The following BRINP1 variants were observed in gnomAD, a reference collection of about 807,000 sequenced individuals.
BRINP1 encodes the protein BMP/retinoic acid-inducible neural-specific protein 1.
BRINP1 carries 17 observed loss-of-function variants against 72.9 expected under a neutral mutation model. The ratio of observed to expected loss-of-function variants is 0.23; its 90% CI spans 0.16 to 0.35. BRINP1 has a LOEUF of 0.35. Among genes scored for constraint, BRINP1 ranks in the 10% least tolerant of loss-of-function variants. The probability of loss-of-function intolerance (pLI) is 1.00; values close to 1 mark genes in which losing one functional copy is unlikely to be tolerated. For missense variants in BRINP1, 850 were observed against 1,001.6 expected (o/e 0.85, Z 2.04); for synonymous variants, 418 against 378.5 (o/e 1.10, Z -1.21).
At chr9:119,300,909 C>T (rs1048160013) in intron 2 of BRINP1, among the ~76,000 whole-genome samples, 2 of 152,198 alleles carry the variant, frequency 1.3e-5, no homozygotes, top group Non-Finnish European at 1.5e-5. Context: ...TACCAGCCAT[C>T]CCTGATTTTC....
chr9:119,361,835 G>A (rs868684409), intron 1 of BRINP1, among the ~76,000 whole-genome samples: 3 of 119,840 alleles, frequency 2.5e-5, no homozygotes, highest in Non-Finnish European at 3.3e-5. Context: ...ACAGAGTCTC[G>A]CTCTGTCGCC....
At chr9:119,265,553 C>T (rs750743466) in intron 2 of BRINP1, among the ~76,000 whole-genome samples, 11 of 152,092 alleles carry the variant, frequency 7.2e-5, no homozygotes, top group East Asian at 1.9e-4. Flanking sequence ...GCTGAGATCA[C>T]GCCATTGCAC....
chr9:119,221,164 G>A (rs1221594615), intron 5 of BRINP1, among the ~76,000 whole-genome samples: 6 of 152,096 alleles, frequency 3.9e-5, no homozygotes, highest in Non-Finnish European at 8.8e-5. Context: ...TGTGCCCCCT[G>A]TAGATATCTC....
intron 7 of BRINP1, among the ~76,000 whole-genome samples, chr9:119,189,597 C>T (rs769391765): frequency 7.2e-5 from 11 of 152,004 alleles, no homozygotes; most frequent in Non-Finnish European, 1.0e-4. Flanking sequence ...ACAATAAAAG[C>T]ATCAGTTCAT....
At chr9:119,265,151 T>C (rs1443312959) in intron 2 of BRINP1, among the ~76,000 whole-genome samples, 2 of 152,168 alleles carry the variant, frequency 1.3e-5, no homozygotes, top group African/African-American at 4.8e-5. Flanking sequence ...TACTCACCAA[T>C]ATCACCTTGC....
At position 119,369,077 on chromosome 9, in the gene BRINP1, G is replaced by A; in HGVS notation, c.-72C>T. 1 of 396,770 alleles carries A rather than the reference G, an allele frequency of 2.5e-6. No homozygotes were observed. Among genetic ancestry groups the A allele is most frequent in the Admixed American group, 4.4e-5 (1 of 22,690 alleles). The allele number at this position is 396,770 out of a possible 1,614,324, so 24.6% of individuals were successfully genotyped here. A position where few individuals can be genotyped will look rare whatever the true frequency, so the allele number is the denominator to read the frequency against. ...TTACCTGGAGTCAATGTCCGTCTTTGGCGGAGAGCTGCGGGAGGACGCTTT... is the reference window on the plus strand; with the variant it reads ...TTACCTGGAGTCAATGTCCGTCTTTAGCGGAGAGCTGCGGGAGGACGCTTT... On this transcript the variant is annotated 5_prime_UTR_variant, in exon 1 of 8. Transcript: ENST00000265922.
chr9:119,261,943 T>C (rs475378), intron 2 of BRINP1, among the ~76,000 whole-genome samples: 2,199 of 151,624 alleles, frequency 0.015, 28 homozygotes, highest in Middle Eastern at 0.024. Flanking sequence ...CCTAAACCCC[T>C]AGTAGACTCA....
At chr9:119,227,287 C>G (rs1830101642) in intron 5 of BRINP1, among the ~76,000 whole-genome samples, 1 of 151,918 alleles carries the variant, frequency 6.6e-6, no homozygotes, top group Non-Finnish European at 1.5e-5. Flanking sequence ...TCTTCTCTGC[C>G]CATCCTCCTC....
chr9:119,348,964 C>T (rs919277053), intron 1 of BRINP1, among the ~76,000 whole-genome samples: 3 of 152,178 alleles, frequency 2.0e-5, no homozygotes, highest in African/African-American at 7.2e-5. Context: ...TTCAATTAAA[C>T]CATTTGATCC....
At chr9:119,198,828 C>T (rs1829773949) in intron 7 of BRINP1, among the ~76,000 whole-genome samples, 1 of 152,032 alleles carries the variant, frequency 6.6e-6, no homozygotes, top group South Asian at 2.1e-4. Context: ...TGCATCACCA[C>T]GCCAGGCTGA....
chr9:119,219,103 T>G (rs2118882959), intron 5 of BRINP1, among the ~76,000 whole-genome samples: 1 of 152,212 alleles, frequency 6.6e-6, no homozygotes, highest in Non-Finnish European at 1.5e-5. Flanking sequence ...TGCTGGTACT[T>G]GATCTTAGAC....
intron 1 of BRINP1, among the ~76,000 whole-genome samples, chr9:119,356,511 A>C (rs1587971801): frequency 6.6e-6 from 1 of 152,132 alleles, no homozygotes; most frequent in East Asian, 1.9e-4. Flanking sequence ...TCAATAAACA[A>C]TGTTTGTTTA....
At chr9:119,175,725 A>AC (rs1469359111) in intron 7 of BRINP1, among the ~76,000 whole-genome samples, 1 of 152,298 alleles carries the variant, frequency 6.6e-6, no homozygotes, top group South Asian at 2.1e-4. Flanking sequence ...CAGAGTAGGA[A>AC]CAAATATGCA....
chr9:119,194,408 G>A (rs1829712611), intron 7 of BRINP1, among the ~76,000 whole-genome samples: 1 of 152,136 alleles, frequency 6.6e-6, no homozygotes, highest in Non-Finnish European at 1.5e-5. Flanking sequence ...AAGGTTCCAG[G>A]CTCTAATTCC....
rs58972395 is a variant in BRINP1, at chr9:119,255,954, C to CAA, written c.219-6806_219-6805dup. On this transcript the variant is annotated intron_variant, in intron 2 of 7. Coordinates refer to ENST00000265922, the MANE Select transcript of BRINP1 (RefSeq NM_014618.3). ...CGGGCAACGGAGCAAGACTCCAGCT[C>CAA]AAAAAAAAAAAAAAAAAAAAAAAAA... Among the ~76,000 whole-genome samples, 31 of 53,502 alleles carry CAA rather than the reference C, an allele frequency of 5.8e-4. 4 individuals are homozygous for CAA. The highest frequency in any genetic ancestry group is 1.2e-3 in the African/African-American group (16 of 12,870). The allele number at this position is 53,502 out of a possible 152,430, so 35.1% of individuals were successfully genotyped here.
At chr9:119,331,096 A>C (rs1831296215) in intron 1 of BRINP1, among the ~76,000 whole-genome samples, 2 of 152,202 alleles carry the variant, frequency 1.3e-5, no homozygotes, top group Admixed American at 1.3e-4. Context: ...TTGCTTTCCC[A>C]CATTCAGTTC....
rs78188237 is a variant in BRINP1, at chr9:119,239,551, T to C, written c.580-791A>G. Among the ~76,000 whole-genome samples the C allele has an allele frequency of 9.5e-3, 1,444 of 152,318 alleles. 22 individuals carry two copies. The highest frequency in any genetic ancestry group is 0.032 in the African/African-American group (1,322 of 41,568). ...TTGCTTCCCATTATTTAGGGTTGTT[T>C]TGAAGTTTGCATTCAGCTATAAAAA... On this transcript the variant is annotated intron_variant, in intron 4 of 7. Transcript: ENST00000265922.
Position 119,214,002 on chromosome 9 carries a change from A to T in BRINP1, c.839T>A (p.Ile280Asn), listed in dbSNP as rs1159165756. Residue 280 changes from isoleucine to asparagine, a missense_variant, in exon 6 of 8, where the codon ATC becomes AAC. Transcript: ENST00000265922. ...AEEFPQCNCP[I>N]TDIQIMEYTL... is the part of the protein sequence containing the mutation. The stretch of plus-strand genomic sequence containing the variant: ...GTACTCCATGATCTGGATGTCCGTG[A>T]TGGGGCAGTTGCACTGCGGAAACTC... The T allele has an allele frequency of 1.9e-6, 3 of 1,613,990 alleles. No individual in the cohort carries two copies. Among genetic ancestry groups the T allele is most frequent in the Non-Finnish European group, 1.7e-6 (2 of 1,180,032 alleles).
chr9:119,215,296 T>A (rs1253093834), intron 5 of BRINP1, among the ~76,000 whole-genome samples: 1 of 152,168 alleles, frequency 6.6e-6, no homozygotes, highest in Non-Finnish European at 1.5e-5. Context: ...GAAGGATTTA[T>A]TTGGACATGA....
Sources: gnomAD v4.1 joint callset for allele counts (sites outside exome capture counted in the v4.1 genomes callset) on GRCh38, gnomAD v4.1.1 for gene constraint, MANE v1.5 for transcripts, NCBI Gene and HGNC (gene_info 2026-07-23, HGNC 2026-07-21) for gene names.